Variants in SDC2 observed in about 807,000 individuals in gnomAD.
The protein encoded by SDC2 is syndecan 2, also known as syndecan-2.
In SDC2, 13 loss-of-function variants were observed where a neutral mutation model predicts 22.2. That is an observed-to-expected ratio of 0.59 (90% CI 0.38 to 0.93). The LOEUF (loss-of-function observed/expected upper bound fraction) is 0.93. Among genes scored for constraint, SDC2 ranks in the 40% least tolerant of loss-of-function variants. The probability of loss-of-function intolerance (pLI) is 0.00; values close to 1 mark genes in which losing one functional copy is unlikely to be tolerated. For missense variants in SDC2, 235 were observed against 246.8 expected (o/e 0.95, Z 0.32); for synonymous variants, 94 against 92.8 (o/e 1.01, Z -0.07).
chr8:96,545,005 C>T (rs1170970019), intron 1 of SDC2, among the ~76,000 whole-genome samples: 5 of 152,244 alleles, frequency 3.3e-5, no homozygotes, highest in South Asian at 4.2e-4. Flanking sequence ...GAGTTGAGGT[C>T]GTTTTTAGAA....
At chr8:96,548,829 G>T (rs1199288247) in intron 1 of SDC2, among the ~76,000 whole-genome samples, 1 of 152,164 alleles carries the variant, frequency 6.6e-6, no homozygotes, top group African/African-American at 2.4e-5. Flanking sequence ...AGCATTGAGG[G>T]TCGTACGCTT....
chr8:96,582,519 G>A (rs953477011), intron 1 of SDC2, among the ~76,000 whole-genome samples: 1 of 152,160 alleles, frequency 6.6e-6, no homozygotes, highest in Non-Finnish European at 1.5e-5. Flanking sequence ...GTCTTTGAAA[G>A]TGCTGACACA....
intron 1 of SDC2, among the ~76,000 whole-genome samples, chr8:96,571,561 G>A (rs552866391): frequency 1.3e-4 from 20 of 152,230 alleles, no homozygotes; most frequent in African/African-American, 4.6e-4. Context: ...GTGGTTCTGG[G>A]GTTTGATTCT....
At chr8:96,584,522 C>A (rs1301535458) in intron 1 of SDC2, among the ~76,000 whole-genome samples, 1 of 152,156 alleles carries the variant, frequency 6.6e-6, no homozygotes, top group African/African-American at 2.4e-5. Flanking sequence ...GAAATAAATT[C>A]CAAATATTTT....
chr8:96,592,523 T>C (rs1814798340), intron 1 of SDC2, among the ~76,000 whole-genome samples: 1 of 152,202 alleles, frequency 6.6e-6, no homozygotes, highest in Non-Finnish European at 1.5e-5. Flanking sequence ...TTTCCTGGGC[T>C]TTTGCGAGAT....
intron 1 of SDC2, among the ~76,000 whole-genome samples, chr8:96,545,288 T>C (rs779490900): frequency 7.2e-5 from 11 of 152,254 alleles, no homozygotes; most frequent in Non-Finnish European, 1.5e-4. Context: ...TAAAAATGTT[T>C]ACATTTCACT....
rs1439842014 is a variant in SDC2, at chr8:96,494,217, C to A, written c.-55C>A. 1.4e-4 allele frequency: 208 copies of A among 1,514,718 alleles called. No homozygotes were observed. The highest frequency in any genetic ancestry group is 1.8e-4 in the Non-Finnish European group (201 of 1,125,642). 93.8% of individuals were successfully genotyped at this position (1,514,718 alleles called of 1,614,324 possible). ...GCTGCGCCGAGCGCTGGGCAGGAGG[C>A]TTCGTTTTGCCCTGGTTGCAAGCAG... On this transcript the variant is annotated 5_prime_UTR_variant, in exon 1 of 5. Transcript: ENST00000302190.
chr8:96,551,104 G>A (rs1202376777), intron 1 of SDC2, among the ~76,000 whole-genome samples: 2 of 152,172 alleles, frequency 1.3e-5, no homozygotes, highest in African/African-American at 4.8e-5. Flanking sequence ...TCTCCCTGGG[G>A]AGTTCTGCCT....
chr8:96,502,433 A>G (rs1193448274), intron 1 of SDC2, among the ~76,000 whole-genome samples: 1 of 152,160 alleles, frequency 6.6e-6, no homozygotes, highest in Non-Finnish European at 1.5e-5. Flanking sequence ...AGTGTAACAT[A>G]AAGAACAGCT....
chr8:96,525,104 C>T (rs962571755), intron 1 of SDC2, among the ~76,000 whole-genome samples: 1 of 152,234 alleles, frequency 6.6e-6, no homozygotes, highest in African/African-American at 2.4e-5. Context: ...TGCTCTCCCT[C>T]TCTTCTGCAT....
At chr8:96,605,822 G>T (rs1393970706) in intron 3 of SDC2, among the ~76,000 whole-genome samples, 1 of 152,164 alleles carries the variant, frequency 6.6e-6, no homozygotes, top group African/African-American at 2.4e-5. Flanking sequence ...GATCCACCTG[G>T]TCTAGCTTAT....
At chr8:96,589,775 C>T (rs896143873) in intron 1 of SDC2, among the ~76,000 whole-genome samples, 2 of 152,086 alleles carry the variant, frequency 1.3e-5, no homozygotes, top group Admixed American at 6.6e-5. Flanking sequence ...GAGAGTGATA[C>T]GATGATGTTT....
intron 1 of SDC2, among the ~76,000 whole-genome samples, chr8:96,586,944 A>G (rs542720332): frequency 6.6e-6 from 1 of 152,074 alleles, no homozygotes; most frequent in South Asian, 2.1e-4. Flanking sequence ...TGTTTTTGAG[A>G]TGGAGTCTGG....
At chr8:96,598,184 C>T (rs1273022369) in intron 2 of SDC2, among the ~76,000 whole-genome samples, 1 of 152,178 alleles carries the variant, frequency 6.6e-6, no homozygotes, top group Non-Finnish European at 1.5e-5. Context: ...GCACTAATTC[C>T]ATTCCATGAG....
At chr8:96,523,328 G>A (rs1813526255) in intron 1 of SDC2, among the ~76,000 whole-genome samples, 1 of 152,278 alleles carries the variant, frequency 6.6e-6, no homozygotes, top group Non-Finnish European at 1.5e-5. Flanking sequence ...GAATCCTTTA[G>A]ATTTCTTGGA....
intron 2 of SDC2, among the ~76,000 whole-genome samples, chr8:96,597,227 C>T (rs1320849786): frequency 6.6e-6 from 1 of 152,294 alleles, no homozygotes; most frequent in East Asian, 1.9e-4. Flanking sequence ...TGTCTTCTCC[C>T]AGTCAGTTCC....
intron 1 of SDC2, among the ~76,000 whole-genome samples, chr8:96,529,860 G>A (rs1056778586): frequency 6.6e-6 from 1 of 152,072 alleles, no homozygotes; most frequent in African/African-American, 2.4e-5. Flanking sequence ...ACTTAGCTGA[G>A]CCACAGAGAT....
intron 1 of SDC2, among the ~76,000 whole-genome samples, chr8:96,513,077 G>A (rs558171971): frequency 7.9e-5 from 12 of 151,958 alleles, no homozygotes; most frequent in African/African-American, 2.7e-4. Flanking sequence ...GGCCTTTCTC[G>A]CAAGCTTTAG....
rs549215119 is a variant in SDC2, at chr8:96,521,647, A to G, written c.60+27316A>G. On this transcript the variant is annotated intron_variant, in intron 1 of 4. Transcript: ENST00000302190. ...GTCTATTTAGAGTTCTTTGAGAGTA[A>G]TATGTTGCTATTTATTTCACATCTG... Among the ~76,000 whole-genome samples, 14 of 152,322 alleles carry G rather than the reference A, an allele frequency of 9.2e-5. No individual in the cohort carries two copies. In the South Asian group the frequency reaches 1.5e-3, roughly 16 times the overall value.
Sources: gnomAD v4.1 joint callset for allele counts (sites outside exome capture counted in the v4.1 genomes callset) on GRCh38, gnomAD v4.1.1 for gene constraint, MANE v1.5 for transcripts, NCBI Gene and HGNC (gene_info 2026-07-23, HGNC 2026-07-21) for gene names.